Variants in RANBP3L observed in about 807,000 individuals in gnomAD.
The protein encoded by RANBP3L is RAN binding protein 3 like.
RANBP3L carries 56 observed loss-of-function variants against 67.2 expected under a neutral mutation model. The observed-to-expected ratio is 0.83, with a 90% confidence interval of 0.67 to 1.04. The LOEUF is 1.04. RANBP3L is among the 50% of genes least tolerant of loss of function. The pLI, the probability that RANBP3L is intolerant of heterozygous loss-of-function variation, is 0.00. For missense variants in RANBP3L, 496 were observed against 535.5 expected (o/e 0.93, Z 0.73); for synonymous variants, 164 against 181.4 (o/e 0.90, Z 0.77).
rs1748942816 is a variant in RANBP3L at position 36,255,884 on chromosome 5, ATCTTTC to A, written c.904-300_904-295del. Reference sequence around the variant, plus strand: ...AACCACTGGTGTAAATATTTTGTTTATCTTTCCAGAGATATTTGTACATACATACAT... The same window carrying A: ...AACCACTGGTGTAAATATTTTGTTTACAGAGATATTTGTACATACATACAT... On this transcript the variant is annotated intron_variant, in intron 10 of 13. Coordinates refer to ENST00000296604, the MANE Select transcript of RANBP3L (RefSeq NM_145000.5). Among the ~76,000 whole-genome samples the A allele has an allele frequency of 4.6e-5, 7 of 152,124 alleles. 1 individual carries two copies. Among genetic ancestry groups the A allele is most frequent in the Admixed American group, 3.9e-4 (6 of 15,258 alleles).
At chr5:36,256,835 A>AT (rs1180750501) in intron 10 of RANBP3L, 106 bp downstream of exon 10, 1 of 1,055,784 alleles carries the variant, frequency 9.5e-7, no homozygotes, top group Non-Finnish European at 1.4e-6. Context: ...CTTAGTCTCC[A>AT]TGAAAACTAT....
chr5:36,276,603 T>C (rs1215240988), intron 1 of RANBP3L, among the ~76,000 whole-genome samples: 1 of 152,134 alleles, frequency 6.6e-6, no homozygotes, highest in Admixed American at 6.5e-5. Context: ...TTTTTTTCTA[T>C]TTTATGTACT....
rs1401668088 is a variant in RANBP3L at position 36,301,522 on chromosome 5, G to T, written c.-106C>A. 3.9e-6 allele frequency: 3 copies of T among 762,832 alleles called. No homozygotes were observed. Among genetic ancestry groups the T allele is most frequent in the Non-Finnish European group, 6.9e-6 (3 of 436,118 alleles). 47.3% of individuals were successfully genotyped at this position (762,832 alleles called of 1,614,324 possible). A position where few individuals can be genotyped will look rare whatever the true frequency, so the allele number is the denominator to read the frequency against. ...GACACCCAGAAATACATAGATTCAT[G>T]CAGATCTTGTCTTTGCATGTACAAC... On this transcript the variant is annotated 5_prime_UTR_variant, in exon 1 of 14. Transcript: ENST00000296604.
chr5:36,265,386 G>A (rs1019237294), intron 5 of RANBP3L, 63 bp downstream of exon 5: 33 of 1,067,796 alleles, frequency 3.1e-5, no homozygotes, highest in South Asian at 2.7e-4. Context: ...CACATATAGG[G>A]AGATGAAAAT....
At chr5:36,284,676 G>T (rs1456528240) in intron 1 of RANBP3L, among the ~76,000 whole-genome samples, 3 of 152,182 alleles carry the variant, frequency 2.0e-5, no homozygotes, top group African/African-American at 7.2e-5. Context: ...CTCATTTCAT[G>T]CAGTGTGGGA....
intron 13 of RANBP3L, among the ~76,000 whole-genome samples, chr5:36,250,551 A>G (rs2111583987): frequency 6.6e-6 from 1 of 152,216 alleles, no homozygotes; most frequent in South Asian, 2.1e-4. Flanking sequence ...TTGTTACCAC[A>G]CTATCGTTGT....
chr5:36,254,412 G>A (rs1322859545), intron 11 of RANBP3L, among the ~76,000 whole-genome samples: 1 of 151,960 alleles, frequency 6.6e-6, no homozygotes, highest in Non-Finnish European at 1.5e-5. Context: ...TTCAATCCAT[G>A]CTTTCTGTTT....
chr5:36,292,480 C>T (rs1751866253), intron 1 of RANBP3L, among the ~76,000 whole-genome samples: 1 of 152,158 alleles, frequency 6.6e-6, no homozygotes, highest in African/African-American at 2.4e-5. Context: ...TTGCCCATGC[C>T]TATCTCCTGA....
At chr5:36,299,365 G>GTGTGTGTGTA (rs1554021667) in intron 1 of RANBP3L, among the ~76,000 whole-genome samples, 43 of 147,996 alleles carry the variant, frequency 2.9e-4, no homozygotes, top group Non-Finnish European at 1.6e-4. Context: ...GTGTGTGTGT[G>GTGTGTGTGTA]TATATATCCT....
At chr5:36,298,097 G>A (rs1349307633) in intron 1 of RANBP3L, among the ~76,000 whole-genome samples, 3 of 151,774 alleles carry the variant, frequency 2.0e-5, no homozygotes, top group African/African-American at 4.8e-5. Context: ...TCAGGAGTTC[G>A]AGACCAGCCT....
At chr5:36,298,701 C>T (rs893022851) in intron 1 of RANBP3L, among the ~76,000 whole-genome samples, 6 of 152,240 alleles carry the variant, frequency 3.9e-5, no homozygotes, top group Non-Finnish European at 1.5e-5. Context: ...CCAGTCTGGA[C>T]TGCATTAGCA....
chr5:36,300,034 C>T (rs749329302), intron 1 of RANBP3L, among the ~76,000 whole-genome samples: 5 of 152,092 alleles, frequency 3.3e-5, no homozygotes, highest in Admixed American at 6.5e-5. Flanking sequence ...TTTAGGCTCA[C>T]CCCCACCAAA....
intron 5 of RANBP3L, 85 bp downstream of exon 5, chr5:36,265,364 C>G: frequency 1.1e-6 from 1 of 875,774 alleles, no homozygotes; most frequent in Non-Finnish European, 1.8e-6. Flanking sequence ...CTCCATGCCC[C>G]CAACACACGC....
At chr5:36,281,834 A>G (rs1750995777) in intron 1 of RANBP3L, among the ~76,000 whole-genome samples, 1 of 152,246 alleles carries the variant, frequency 6.6e-6, no homozygotes, top group Non-Finnish European at 1.5e-5. Context: ...ACTAAGAAGA[A>G]TGTGTTACTT....
Position 36,255,542 on chromosome 5 carries a change from C to T in RANBP3L, c.952G>A (p.Glu318Lys). ...AGTCTCAACGTTCCTCTGCCCCTTT[C>T]AATCCAGGATTGTGTTGTTTTGTTG... Reference protein sequence around the residue: ...IFNKTTQSWIERGRGTLRLND... With the variant: ...IFNKTTQSWIKRGRGTLRLND... Residue 318 changes from glutamate (E) to lysine (K), a missense_variant, in exon 11 of 14, where the codon GAA becomes AAA. By Grantham distance (56) the Glu-to-Lys change is moderately conservative. Transcript: ENST00000296604. 6.2e-7 allele frequency: 1 copy of T among 1,611,848 alleles called. No individual in the cohort carries two copies. The highest frequency in any genetic ancestry group is 8.5e-7 in the Non-Finnish European group (1 of 1,178,280).
intron 1 of RANBP3L, 48 bp downstream of exon 1, chr5:36,301,278 T>C (rs1487459697): frequency 7.1e-7 from 1 of 1,401,348 alleles, no homozygotes; most frequent in African/African-American, 1.4e-5. Context: ...GGAATGCAAA[T>C]GCACAGAAGG....
At chr5:36,266,755 C>T (rs1442609269) in intron 4 of RANBP3L, among the ~76,000 whole-genome samples, 8 of 23,210 alleles carry the variant, frequency 3.4e-4, no homozygotes, top group Non-Finnish European at 9.3e-4. Flanking sequence ...ATGTCTCTCT[C>T]ACTTTTTTTT....
In RANBP3L at chr5:36,253,820, C is replaced by T. The variant is rs1333608401; in HGVS notation, c.1025-31G>A. On this transcript the variant is annotated intron_variant, in intron 11 of 13. Transcript: ENST00000296604. ...ATAGGAAGGTGACTACATCAGGCCACAGAACAGTTGACACGGAGGAATTTA... is the reference window on the plus strand; with the variant it reads ...ATAGGAAGGTGACTACATCAGGCCATAGAACAGTTGACACGGAGGAATTTA... The T allele has an allele frequency of 1.9e-6, 3 of 1,605,806 alleles. No homozygotes were observed. In the African/African-American group the frequency reaches 4.0e-5, roughly 22 times the overall value.
intron 8 of RANBP3L, among the ~76,000 whole-genome samples, chr5:36,259,126 T>C (rs1354894688): frequency 6.6e-6 from 1 of 152,214 alleles, no homozygotes; most frequent in Non-Finnish European, 1.5e-5. Context: ...TGCCTAAATA[T>C]ACTGCCTGTA....
Sources: allele counts gnomAD v4.1 joint callset (sites outside exome capture counted in the v4.1 genomes callset), GRCh38; gene constraint gnomAD v4.1.1; transcripts MANE v1.5; gene names NCBI Gene and HGNC (gene_info 2026-07-23, HGNC 2026-07-21).